The following TTN variants were observed in gnomAD, a reference collection of about 807,000 sequenced individuals.
TTN encodes connectin.
In TTN, 1,525 loss-of-function variants were observed where a neutral mutation model predicts 3,223.0. The observed-to-expected ratio is 0.47, with a 90% CI of 0.45 to 0.49. The LOEUF (loss-of-function observed/expected upper bound fraction) is 0.49, where lower values mean the gene tolerates loss of function less well. Ranked by LOEUF, TTN falls within the 20% of genes least tolerant of loss-of-function variation. The pLI, the probability that TTN is intolerant of heterozygous loss-of-function variation, is 0.00. For missense variants in TTN, 40,786 were observed against 43,424.0 expected (o/e 0.94, Z 5.40); for synonymous variants, 14,094 against 15,161.0 (o/e 0.93, Z 5.17).
Position 178,721,081 on chromosome 2 carries a change from G to A in TTN, c.22938C>T (p.Asp7646=). 6.2e-7 allele frequency: 1 copy of A among 1,613,176 alleles called. No individual in the cohort carries two copies. The highest frequency in any genetic ancestry group is 8.5e-7 in the Non-Finnish European group (1 of 1,179,322). The change falls in exon 79 of 363, where the codon GAC becomes GAT. Residue 7646 remains aspartate, a synonymous_variant. Coordinates refer to ENST00000589042, the MANE Select transcript of TTN (RefSeq NM_001267550.2). Reference sequence around the variant, plus strand: ...ATTTCCAACTTTCATGAAGTTCGCTGTCATTTCGGAACCATGAAACTTTGA... The same window carrying A: ...ATTTCCAACTTTCATGAAGTTCGCTATCATTTCGGAACCATGAAACTTTGA... ...PEIKVSWFRN[D]SELHESWKYN...
chr2:178,554,274 C>G, intron 332 of TTN, 58 bp from the exon 333 acceptor site: 1 of 1,491,130 alleles, frequency 6.7e-7, no homozygotes, highest in East Asian at 2.3e-5. Flanking sequence ...ATAAATTATA[C>G]CTTTGATGTT....
chr2:178,618,530 T>A, intron 251 of TTN, 39 bp from the exon 252 acceptor site: 1 of 1,609,216 alleles, frequency 6.2e-7, no homozygotes, highest in Non-Finnish European at 8.5e-7. Context: ...TAGTGTGCTG[T>A]CTTGCTTTTA....
In TTN at chr2:178,591,362, G is replaced by T; in HGVS notation, c.60363C>A (p.Thr20121=). ...CTGTTTCAACTGTGTAGTGCTCATC[G>T]GTTTTAATCTCACTCCCATCGGTTG... ...KWTTDGSEIK[T]DEHYTVETDN... Residue 20121 remains threonine (T), a synonymous_variant, in exon 304 of 363, where the codon ACC becomes ACA. Coordinates refer to ENST00000589042, the MANE Select transcript of TTN (RefSeq NM_001267550.2). 6.2e-7 allele frequency: 1 copy of T among 1,613,302 alleles called. No homozygotes were observed. Among genetic ancestry groups the T allele is most frequent in the Non-Finnish European group, 8.5e-7 (1 of 1,179,482 alleles).
chr2:178,649,726 TAAC>T, intron 211 of TTN, 88 bp downstream of exon 211: 3 of 1,547,456 alleles, frequency 1.9e-6, no homozygotes, highest in Non-Finnish European at 2.7e-6. Flanking sequence ...AGGTAAGAGT[TAAC>T]AAACATATAA....
In TTN at chr2:178,554,105, A is replaced by G; in HGVS notation, c.89006T>C (p.Phe29669Ser). ...ADGGSDISGY[F>S]LEKRDKKSLG... ...GCTCTTCTTGTCTCGTTTTTCAAGG[A>G]AATAGCCACTTATATCACTACCGCC... The change falls in exon 333 of 363, where the codon TTC becomes TCC. Residue 29669 changes from phenylalanine to serine, a missense_variant. Phe to Ser is a radical substitution (Grantham distance 155, BLOSUM62 -2). Transcript: ENST00000589042. 1 of 1,613,864 alleles carries G rather than the reference A, an allele frequency of 6.2e-7. No homozygotes were observed. The highest frequency in any genetic ancestry group is 8.5e-7 in the Non-Finnish European group (1 of 1,179,820).
intron 250 of TTN, chr2:178,619,406 A>G (rs1219927716): frequency 1.7e-6 from 1 of 588,556 alleles, no homozygotes; most frequent in Non-Finnish European, 2.9e-6. Flanking sequence ...TGTACTAGCA[A>G]CTGTCCAAGG....
At chr2:178,693,790 T>A in intron 118 of TTN, 101 bp from the exon 119 acceptor site, 5 of 1,242,802 alleles carry the variant, frequency 4.0e-6, no homozygotes, top group Non-Finnish European at 5.6e-6. Context: ...GAGACAAACA[T>A]GAAATGAAAA....
At position 178,653,083 on chromosome 2, in the gene TTN, G is replaced by C; in HGVS notation, c.38833C>G (p.Pro12945Ala). The C allele has an allele frequency of 6.2e-7, 1 of 1,613,214 alleles. No individual in the cohort carries two copies. Among genetic ancestry groups the C allele is most frequent in the Non-Finnish European group, 8.5e-7 (1 of 1,179,548 alleles). ...PKEVVPEKKV[P>A]VTPPKKPEVP... ...TCAGGTTTTTTAGGAGGAGTCACTG[G>C]CACTTTCTTTTCAGGAACAACTTCT... The change falls in exon 199 of 363, where the codon CCA becomes GCA. Residue 12945 changes from proline (P) to alanine (A), a missense_variant. Physicochemically the swap from Pro to Ala is conservative, Grantham distance 27. Coordinates refer to ENST00000589042, the MANE Select transcript of TTN (RefSeq NM_001267550.2).
Position 178,620,054 on chromosome 2 carries a change from C to T in TTN, c.46363G>A (p.Asp15455Asn), listed in dbSNP as rs370813526. The change falls in exon 249 of 363, where the codon GAT becomes AAT. Residue 15455 changes from aspartate (D) to asparagine (N), a missense_variant. Asp to Asn is a conservative substitution (Grantham distance 23). Coordinates refer to ENST00000589042, the MANE Select transcript of TTN (RefSeq NM_001267550.2). ...CCGCAAGCATATTCACACTCATCAT[C>T]CAGCCTGCAATCTTTTATAATGAGT... is the stretch of plus-strand genomic sequence containing the variant. Reference protein sequence around the residue: ...HRLIIKDCRLDDECEYACGVE... With the variant: ...HRLIIKDCRLNDECEYACGVE... 147 of 1,611,862 alleles carry T rather than the reference C, an allele frequency of 9.1e-5. No individual in the cohort carries two copies. Among genetic ancestry groups the T allele is most frequent in the Middle Eastern group, 1.6e-4 (1 of 6,066 alleles).
In TTN at chr2:178,717,538, T is replaced by C; in HGVS notation, c.25336A>G (p.Lys8446Glu). 6.2e-7 allele frequency: 1 copy of C among 1,605,392 alleles called. No homozygotes were observed. Among genetic ancestry groups the C allele is most frequent in the South Asian group, 1.1e-5 (1 of 89,880 alleles). ...AGTTACTCACCTGAGAGAATGAGCT[T>C]GGCACTGGATGAAGCAGTCCCAAGA... ...NPLGTASSSA[K>E]LILSEHEVPP... Residue 8446 changes from lysine (K) to glutamate (E), a missense_variant, in exon 87 of 363, where the codon AAG becomes GAG. Lys to Glu is a moderately conservative substitution (Grantham distance 56). Transcript: ENST00000589042.
At position 178,566,520 on chromosome 2, in the gene TTN, T is replaced by C. The variant is rs150682764; in HGVS notation, c.79612A>G (p.Thr26538Ala). The C allele has an allele frequency of 2.2e-4, 362 of 1,613,404 alleles. 1 individual carries two copies. In the African/African-American group the frequency reaches 4.4e-3, roughly 20 times the overall value. ...KADEEEWQIV[T>A]PQTGLRVTRF... ...GTGACTCTCAGGCCAGTCTGTGGAG[T>C]AACTATTTGCCATTCTTCTTCATCT... Residue 26538 changes from threonine to alanine, a missense_variant, in exon 326 of 363, where the codon ACT becomes GCT. Transcript: ENST00000589042.
chr2:178,704,133 A>T lies in TTN; in HGVS notation c.30223+14T>A. 1 of 1,612,572 alleles carries T rather than the reference A, an allele frequency of 6.2e-7. No individual in the cohort carries two copies. Among genetic ancestry groups the T allele is most frequent in the Non-Finnish European group, 8.5e-7 (1 of 1,179,512 alleles). ...TATGCTGTACCCACAAGGACTCCATAGTGTTTCACGCACCTTCGATTCTGA... is the reference window on the plus strand; with the variant it reads ...TATGCTGTACCCACAAGGACTCCATTGTGTTTCACGCACCTTCGATTCTGA... On this transcript the variant is annotated intron_variant, in intron 106 of 362. Coordinates refer to ENST00000589042, the MANE Select transcript of TTN (RefSeq NM_001267550.2).
chr2:178,690,033 AT>A, intron 121 of TTN, 137 bp from the exon 122 acceptor site: 1 of 685,088 alleles, frequency 1.5e-6, no homozygotes, highest in Admixed American at 2.6e-5. Context: ...TATCCAGAAA[AT>A]TAAACTAACT....
Position 178,531,626 on chromosome 2 carries a change from G to C in TTN, c.104989C>G (p.Leu34997Val), listed in dbSNP as rs771364302. The C allele has an allele frequency of 1.2e-5, 19 of 1,613,878 alleles. 1 individual carries two copies. In the East Asian group the frequency reaches 4.2e-4, roughly 36 times the overall value. Residue 34997 changes from leucine (L) to valine (V), a missense_variant, in exon 358 of 363, where the codon CTC becomes GTC. By Grantham distance (32) the Leu-to-Val change is conservative. Transcript: ENST00000589042. ...KIHYTNTSGV[L>V]TLEILDCHTD... ...TGACAGTCCAGAATTTCCAGGGTGA[G>C]GACTCCACTCGTGTTGGTGTAATGA...
rs754592016 is a variant in TTN at position 178,773,232 on chromosome 2, A to G, written c.7732T>C (p.Tyr2578His). Reference protein sequence around the residue: ...KDKEIKPSSKYKIEAHGKIYK... With the variant: ...KDKEIKPSSKHKIEAHGKIYK... ...ATTTTTCCATGTGCTTCAATTTTAT[A>G]TTTAGAACTGGGCTTGATTTCCTTG... Residue 2578 changes from tyrosine to histidine, a missense_variant, in exon 33 of 363, where the codon TAT becomes CAT. Physicochemically the swap from Tyr to His is moderately conservative, Grantham distance 83. Coordinates refer to ENST00000589042, the MANE Select transcript of TTN (RefSeq NM_001267550.2). 7.4e-6 allele frequency: 12 copies of G among 1,613,764 alleles called. No individual in the cohort carries two copies. Among genetic ancestry groups the G allele is most frequent in the Non-Finnish European group, 1.0e-5 (12 of 1,179,908 alleles).
Position 178,677,695 on chromosome 2 carries a change from G to T in TTN, c.34217C>A (p.Pro11406His). The T allele has an allele frequency of 6.2e-7, 1 of 1,612,658 alleles. No individual in the cohort carries two copies. Among genetic ancestry groups the T allele is most frequent in the African/African-American group, 1.3e-5 (1 of 74,880 alleles). ...EEVPPEEEYV[P>H]EEEEFVPEEE... ...TTCAGGTACAAATTCTTCTTCCTCA[G>T]GTACATATTCTTCTTCGGGAGGAAC... Residue 11406 changes from proline to histidine, a missense_variant, in exon 146 of 363, where the codon CCT becomes CAT. Physicochemically the swap from Pro to His is moderately conservative, Grantham distance 77 (BLOSUM62 -2). Transcript: ENST00000589042.
At position 178,724,526 on chromosome 2, in the gene TTN, ATGAC is replaced by A. The variant is rs758064496; in HGVS notation, c.20845_20848del (p.Val6949LeufsTer8). ...CGTCATCGGTCCTGCCTTCTCAACAATGACTGCGGGCTCTGAAATAAAACGTGAT... is the reference window on the plus strand; with the variant it reads ...CGTCATCGGTCCTGCCTTCTCAACAATGCGGGCTCTGAAATAAAACGTGAT... On this transcript the variant is annotated frameshift_variant, in exon 72 of 363. Transcript: ENST00000589042. LOFTEE classifies it high-confidence loss of function. 6.3e-7 allele frequency: 1 copy of A among 1,593,144 alleles called. No individual in the cohort carries two copies. The highest frequency in any genetic ancestry group is 1.7e-5 in the Admixed American group (1 of 58,338).
chr2:178,710,586 C>A, intron 98 of TTN, 49 bp downstream of exon 98: 1 of 1,567,886 alleles, frequency 6.4e-7, no homozygotes, highest in Non-Finnish European at 8.7e-7. Flanking sequence ...TCAGGCTATA[C>A]TACAAAATGA....
chr2:178,612,416 G>T lies in TTN; in HGVS notation c.50109C>A (p.Thr16703=). The T allele has an allele frequency of 6.2e-7, 1 of 1,612,438 alleles. No homozygotes were observed. ...CTGTGCACTTGGTGTCCTTGACAGT[G>T]GTATCCACTGTTTGCCAGCCTTTTC... ...VRRKGWQTVD[T]TVKDTKCTVT... is the part of the protein sequence containing the mutation. Residue 16703 remains threonine (T), a synonymous_variant, in exon 266 of 363, where the codon ACC becomes ACA. Transcript: ENST00000589042.
Sources: gnomAD v4.1 joint callset for allele counts on GRCh38, gnomAD v4.1.1 for gene constraint, MANE v1.5 for transcripts, NCBI Gene and HGNC (gene_info 2026-07-23, HGNC 2026-07-21) for gene names.